The following BMAL2 variants were observed in gnomAD, a reference collection of about 807,000 sequenced individuals.
BMAL2 encodes the protein basic helix-loop-helix ARNT-like protein 2.
At chr12:27,334,436 T>C in the BMAL2 span, among the ~76,000 whole-genome samples, 1 of 152,188 alleles carries the variant, frequency 6.6e-6, no homozygotes, top group South Asian at 2.1e-4. Flanking sequence ...TAGTAAGTGC[T>C]TCATAAAACA....
At chr12:27,366,222 T>G in the BMAL2 span, among the ~76,000 whole-genome samples, 4 of 152,156 alleles carry the variant, frequency 2.6e-5, no homozygotes, top group Non-Finnish European at 5.9e-5. Context: ...TTTGGTCCAA[T>G]ATATTGTCAG....
the BMAL2 span, among the ~76,000 whole-genome samples, chr12:27,346,161 A>G: frequency 3.3e-5 from 5 of 152,068 alleles, no homozygotes; most frequent in African/African-American, 4.8e-5. Flanking sequence ...TTTCCCTCCC[A>G]TGTTTCTGAT....
the BMAL2 span, among the ~76,000 whole-genome samples, chr12:27,393,692 T>C: frequency 3.9e-5 from 6 of 152,146 alleles, no homozygotes; most frequent in African/African-American, 1.4e-4. Context: ...CTGACAACAA[T>C]AGATGTTGGT....
the BMAL2 span, among the ~76,000 whole-genome samples, chr12:27,404,634 G>T: frequency 2.0e-5 from 3 of 152,160 alleles, no homozygotes; most frequent in Admixed American, 2.0e-4. Flanking sequence ...AGCCAAGATG[G>T]CCGAATAGGA....
the BMAL2 span, among the ~76,000 whole-genome samples, chr12:27,416,959 A>G: frequency 2.0e-5 from 3 of 152,338 alleles, no homozygotes; most frequent in East Asian, 3.9e-4. Context: ...CAACTGTCTA[A>G]AAGCAAAAAA....
chr12:27,384,801 T>C, the BMAL2 span, among the ~76,000 whole-genome samples: 2 of 152,222 alleles, frequency 1.3e-5, no homozygotes, highest in Non-Finnish European at 2.9e-5. Flanking sequence ...CTTATTGTAT[T>C]GTGCTCACCT....
At chr12:27,360,447 TAA>T in the BMAL2 span, among the ~76,000 whole-genome samples, 1 of 152,160 alleles carries the variant, frequency 6.6e-6, no homozygotes, top group Non-Finnish European at 1.5e-5. Context: ...ATGCTGGGGT[TAA>T]GAATGACATT....
the BMAL2 span, among the ~76,000 whole-genome samples, chr12:27,370,977 C>T: frequency 1.3e-5 from 2 of 152,268 alleles, no homozygotes; most frequent in African/African-American, 4.8e-5. Context: ...TGGGTTGCTA[C>T]TATGTGACAG....
the BMAL2 span, chr12:27,418,110 C>T: frequency 2.9e-5 from 46 of 1,612,594 alleles, no homozygotes; most frequent in Non-Finnish European, 3.8e-5. Context: ...GAGTTGTTTC[C>T]ACCAAGTCCT....
the BMAL2 span, chr12:27,416,051 A>G: frequency 5.2e-6 from 4 of 773,984 alleles, no homozygotes; most frequent in African/African-American, 7.2e-5. Context: ...TGTCAAAAAA[A>G]AAATGAACCC....
At chr12:27,366,179 G>C in the BMAL2 span, among the ~76,000 whole-genome samples, 1 of 151,648 alleles carries the variant, frequency 6.6e-6, no homozygotes, top group Admixed American at 6.6e-5. Context: ...TTTTATGTAT[G>C]ATATCAATTT....
At chr12:27,387,339 A>G in the BMAL2 span, 2 of 1,489,724 alleles carry the variant, frequency 1.3e-6, no homozygotes, top group Non-Finnish European at 1.9e-6. Flanking sequence ...AAATGAGGAT[A>G]TTTTCCATAC....
chr12:27,346,580 A>G, the BMAL2 span, among the ~76,000 whole-genome samples: 1 of 152,096 alleles, frequency 6.6e-6, no homozygotes, highest in African/African-American at 2.4e-5. Context: ...TTGTTTTTAA[A>G]GTGTTACTCC....
chr12:27,377,183 G>T, the BMAL2 span, among the ~76,000 whole-genome samples: 3 of 152,060 alleles, frequency 2.0e-5, no homozygotes, highest in East Asian at 5.8e-4. Flanking sequence ...TACTGCCATG[G>T]TTCAACATGG....
the BMAL2 span, among the ~76,000 whole-genome samples, chr12:27,373,978 C>A: frequency 6.6e-6 from 1 of 152,190 alleles, no homozygotes; most frequent in South Asian, 2.1e-4. Context: ...ATTTGTGCTA[C>A]AAACAAAGAA....
At chr12:27,369,919 G>A in the BMAL2 span, among the ~76,000 whole-genome samples, 1 of 152,334 alleles carries the variant, frequency 6.6e-6, no homozygotes. Context: ...AAAGGAAGAA[G>A]CTAGAACTCA....
the BMAL2 span, among the ~76,000 whole-genome samples, chr12:27,417,676 G>A: frequency 6.6e-6 from 1 of 152,126 alleles, no homozygotes; most frequent in South Asian, 2.1e-4. Context: ...TTGGTGGCAG[G>A]CCCATGTCTG....
the BMAL2 span, among the ~76,000 whole-genome samples, chr12:27,340,465 T>TA: frequency 1.3e-5 from 2 of 152,194 alleles, no homozygotes; most frequent in Non-Finnish European, 2.9e-5. Context: ...ATAGTCTATA[T>TA]GTCTGTTTTT....
At chr12:27,385,184 T>C in the BMAL2 span, among the ~76,000 whole-genome samples, 2 of 152,132 alleles carry the variant, frequency 1.3e-5, no homozygotes, top group African/African-American at 4.8e-5. Context: ...CGTGGTGGCA[T>C]GCGCCTATAA....
Sources: gnomAD v4.1 joint callset for allele counts (sites outside exome capture counted in the v4.1 genomes callset) on GRCh38, gnomAD v4.1.1 for gene constraint, MANE v1.5 for transcripts, NCBI Gene and HGNC (gene_info 2026-07-23, HGNC 2026-07-21) for gene names.